Variants in DIP2B observed in about 807,000 individuals in gnomAD.
DIP2B encodes the protein DIP2 acetate--CoA ligase B (putative).
In DIP2B, 76 loss-of-function variants were observed where a neutral mutation model predicts 198.0. The observed-to-expected ratio is 0.38, with a 90% confidence interval of 0.32 to 0.46. DIP2B has a LOEUF of 0.46. Ranked by LOEUF, DIP2B falls within the 20% of genes least tolerant of loss-of-function variation. The pLI is 0.99. For missense variants in DIP2B, 1,559 were observed against 1,978.4 expected, an observed-to-expected ratio of 0.79 and a Z score of 4.02; for synonymous variants, 701 against 739.1, an observed-to-expected ratio of 0.95 and a Z score of 0.84.
intron 2 of DIP2B, among the ~76,000 whole-genome samples, chr12:50,628,803 A>G (rs1937986371): frequency 6.6e-6 from 1 of 152,188 alleles, no homozygotes; most frequent in Non-Finnish European, 1.5e-5. Flanking sequence ...AGCTATTGCC[A>G]TCTAATCTCA....
chr12:50,573,490 T>TTA (rs1467912321), intron 1 of DIP2B, among the ~76,000 whole-genome samples: 1 of 152,232 alleles, frequency 6.6e-6, no homozygotes, highest in African/African-American at 2.4e-5. Context: ...CAACCCAGTC[T>TTA]TATAACCTTA....
At chr12:50,516,865 C>T (rs1958070363) in intron 1 of DIP2B, among the ~76,000 whole-genome samples, 1 of 151,622 alleles carries the variant, frequency 6.6e-6, no homozygotes, top group Non-Finnish European at 1.5e-5. Flanking sequence ...ATCCCAGCTA[C>T]TCAGGAGGCT....
intron 4 of DIP2B, among the ~76,000 whole-genome samples, chr12:50,667,366 A>G (rs1470363992): frequency 6.6e-6 from 1 of 152,232 alleles, no homozygotes. Context: ...ATAAGTGATA[A>G]CAGTCATGAG....
intron 1 of DIP2B, among the ~76,000 whole-genome samples, chr12:50,579,398 A>G (rs933171131): frequency 1.3e-5 from 2 of 151,496 alleles, no homozygotes; most frequent in Non-Finnish European, 2.9e-5. Flanking sequence ...AGATCACTTG[A>G]GCCCAGGAGT....
intron 1 of DIP2B, among the ~76,000 whole-genome samples, chr12:50,537,114 A>ATTT (rs34202995): frequency 0.011 from 339 of 32,206 alleles, 91 homozygotes; most frequent in East Asian, 0.086. Flanking sequence ...TTATTCTCTA[A>ATTT]TTTTTTTTTT....
intron 1 of DIP2B, among the ~76,000 whole-genome samples, chr12:50,537,114 A>ATCTTTTTTTTTTTTTTTT (rs1958276224): frequency 3.1e-5 from 1 of 32,236 alleles, no homozygotes; most frequent in Admixed American, 6.2e-4. Context: ...TTATTCTCTA[A>ATCTTTTTTTTTTTTTTTT]TTTTTTTTTT....
At chr12:50,594,083 G>T (rs1958858553) in intron 1 of DIP2B, among the ~76,000 whole-genome samples, 1 of 149,952 alleles carries the variant, frequency 6.7e-6, no homozygotes, top group African/African-American at 2.5e-5. Flanking sequence ...TGGGATTACA[G>T]GTGTTTGCCA....
intron 1 of DIP2B, among the ~76,000 whole-genome samples, chr12:50,620,259 C>T (rs1036495648): frequency 6.6e-6 from 1 of 152,170 alleles, no homozygotes; most frequent in Non-Finnish European, 1.5e-5. Flanking sequence ...GGCTGGCAGG[C>T]TCACGCACGC....
intron 1 of DIP2B, among the ~76,000 whole-genome samples, chr12:50,617,473 A>T (rs11169506): frequency 0.32 from 48,454 of 151,258 alleles, 7,920 homozygotes; most frequent in South Asian, 0.39. Flanking sequence ...TATTTTTAAA[A>T]CACCAGTTGG....
intron 4 of DIP2B, 68 bp from the exon 5 acceptor site, chr12:50,671,118 T>G (rs1475242372): frequency 1.3e-6 from 2 of 1,487,456 alleles, no homozygotes; most frequent in Non-Finnish European, 1.8e-6. Flanking sequence ...GTGTGATCAA[T>G]GAGCAAGAAC....
At chr12:50,632,005 T>C (rs1051123877) in intron 2 of DIP2B, among the ~76,000 whole-genome samples, 14 of 151,492 alleles carry the variant, frequency 9.2e-5, no homozygotes, top group African/African-American at 2.9e-4. Context: ...TTTTTTTTTT[T>C]CCTAAATAGA....
At chr12:50,718,408 A>G (rs1211790850) in intron 23 of DIP2B, among the ~76,000 whole-genome samples, 1 of 152,140 alleles carries the variant, frequency 6.6e-6, no homozygotes, top group African/African-American at 2.4e-5. Context: ...ACCCCAAACT[A>G]GAATAGCTGC....
At chr12:50,588,188 G>C (rs1309601811) in intron 1 of DIP2B, among the ~76,000 whole-genome samples, 1 of 150,680 alleles carries the variant, frequency 6.6e-6, no homozygotes, top group African/African-American at 2.4e-5. Context: ...GTCTCACTCT[G>C]TTGCCCAGGG....
intron 22 of DIP2B, 51 bp downstream of exon 22, chr12:50,708,613 C>A: frequency 7.0e-7 from 1 of 1,425,780 alleles, no homozygotes; most frequent in Non-Finnish European, 9.7e-7. Flanking sequence ...GCAACCACTG[C>A]CTAAGCATTT....
chr12:50,719,603 A>G (rs1310053784), intron 25 of DIP2B, among the ~76,000 whole-genome samples: 3 of 152,080 alleles, frequency 2.0e-5, no homozygotes, highest in Non-Finnish European at 2.9e-5. Flanking sequence ...ACACTTTGGG[A>G]GGCCAAGGCG....
intron 11 of DIP2B, 41 bp from the exon 12 acceptor site, chr12:50,686,532 A>G: frequency 6.3e-7 from 1 of 1,587,056 alleles, no homozygotes; most frequent in Non-Finnish European, 8.6e-7. Context: ...TCATTCCCTG[A>G]TGGCTTAGGC....
At chr12:50,666,268 C>T (rs905807201) in intron 4 of DIP2B, among the ~76,000 whole-genome samples, 2 of 152,138 alleles carry the variant, frequency 1.3e-5, no homozygotes, top group Non-Finnish European at 2.9e-5. Context: ...CTCAGTGTAC[C>T]AGTCAAAGGG....
At chr12:50,665,642 G>A (rs775096968) in intron 4 of DIP2B, among the ~76,000 whole-genome samples, 4 of 151,934 alleles carry the variant, frequency 2.6e-5, no homozygotes, top group Non-Finnish European at 4.4e-5. Context: ...AAAATTAGCT[G>A]GGTATGGTAG....
chr12:50,536,290 T>TACATACATACAC (rs1340853597), intron 1 of DIP2B, among the ~76,000 whole-genome samples: 1 of 151,666 alleles, frequency 6.6e-6, no homozygotes, highest in African/African-American at 2.4e-5. Flanking sequence ...CATACATACA[T>TACATACATACAC]ACATACATAC....
Sources: gnomAD v4.1 joint callset for allele counts (sites outside exome capture counted in the v4.1 genomes callset) on GRCh38, gnomAD v4.1.1 for gene constraint, MANE v1.5 for transcripts, NCBI Gene and HGNC (gene_info 2026-07-23, HGNC 2026-07-21) for gene names.